EMX1: variants seen among roughly 807,000 people sequenced by gnomAD.
EMX1 encodes homeobox protein EMX1.
A neutral mutation model predicts 20.1 loss-of-function variants in EMX1; 10 were observed. That is an observed-to-expected ratio of 0.50 (90% CI 0.31 to 0.84). EMX1 has a LOEUF of 0.84. Ranked by LOEUF, EMX1 falls within the 40% of genes least tolerant of loss-of-function variation. EMX1 has a pLI of 0.05. For missense variants in EMX1, 424 were observed against 431.9 expected, an observed-to-expected ratio of 0.98 and a Z score of 0.16; for synonymous variants, 250 against 200.4, an observed-to-expected ratio of 1.25 and a Z score of -2.09.
intron 2 of EMX1, among the ~76,000 whole-genome samples, chr2:72,928,661 T>C (rs1331023767): frequency 1.3e-5 from 2 of 152,150 alleles, no homozygotes; most frequent in Non-Finnish European, 2.9e-5. Context: ...AGCTGAGCGG[T>C]GAAGGCAAAG....
intron 1 of EMX1, among the ~76,000 whole-genome samples, chr2:72,920,665 T>A (rs899015412): frequency 1.3e-5 from 2 of 152,250 alleles, no homozygotes; most frequent in Non-Finnish European, 2.9e-5. Context: ...GTCTGCGCTC[T>A]CTGCGCAGCG....
Position 72,918,337 on chromosome 2 carries a change from T to G in EMX1, c.485T>G (p.Val162Gly). 6.5e-7 allele frequency: 1 copy of G among 1,530,538 alleles called. No individual in the cohort carries two copies. The highest frequency in any genetic ancestry group is 8.7e-7 in the Non-Finnish European group (1 of 1,150,094). 94.8% of individuals were successfully genotyped at this position (1,530,538 alleles called of 1,614,324 possible). A position where few individuals can be genotyped will look rare whatever the true frequency, so the allele number is the denominator to read the frequency against. Reference protein sequence around the residue: ...HRDPLHFYPWVLRNRFFGHRF... With the variant: ...HRDPLHFYPWGLRNRFFGHRF... Reference sequence around the variant, plus strand: ...GACCCTCTCCATTTCTACCCCTGGGTCCTGCGGAACCGCTTCTTCGGCCAC... The same window carrying G: ...GACCCTCTCCATTTCTACCCCTGGGGCCTGCGGAACCGCTTCTTCGGCCAC... The change falls in exon 1 of 3, where the codon GTC (valine) becomes GGC (glycine). Residue 162 changes from valine to glycine, a missense_variant. This residue lies in a region of EMX1 where 333 missense variants were observed against 296.6 expected (regional missense o/e 1.12). Coordinates refer to ENST00000258106, the MANE Select transcript of EMX1 (RefSeq NM_004097.3).
rs1573901188 is a variant in EMX1 at position 72,932,597 on chromosome 2, A to C, written c.706-1190A>C. Among the ~76,000 whole-genome samples the C allele has an allele frequency of 2.0e-5, 3 of 152,296 alleles. No individual in the cohort carries two copies. The South Asian group carries it at 6.2e-4, about 32-fold the overall frequency. On this transcript the variant is annotated intron_variant, in intron 2 of 2. Transcript: ENST00000258106. ...CCAGGAGCCAGGATGAGCCTCCCAG[A>C]TTATGCATGAGAGGACATTAAGGGC...
At chr2:72,932,534 G>A (rs1671301642) in intron 2 of EMX1, among the ~76,000 whole-genome samples, 1 of 152,228 alleles carries the variant, frequency 6.6e-6, no homozygotes, top group Non-Finnish European at 1.5e-5. Context: ...GTTGACAGAT[G>A]AAGGCTTTCT....
chr2:72,922,821 G>A (rs1671126836), intron 1 of EMX1, among the ~76,000 whole-genome samples: 1 of 152,258 alleles, frequency 6.6e-6, no homozygotes, highest in South Asian at 2.1e-4. Flanking sequence ...GATGGGAGAT[G>A]TTAACTGAAT....
chr2:72,918,045 G>A lies in EMX1; in HGVS notation c.193G>A (p.Gly65Ser). 1 of 1,419,208 alleles carries A rather than the reference G, an allele frequency of 7.0e-7. No individual in the cohort carries two copies. The highest frequency in any genetic ancestry group is 1.5e-5 in the South Asian group (1 of 67,108). The allele number at this position is 1,419,208 out of a possible 1,614,324, so 87.9% of individuals were successfully genotyped here. ...CGGGGGCACTGGCGGCGGGGGCGCG[G>A]GCTCCCATCTCCTGGCGGCGGCCGC... is the stretch of plus-strand genomic sequence containing the variant. ...TGGGTGGGGA[G>S]SHLLAAAASE... The change falls in exon 1 of 3, where the codon GGC (glycine) becomes AGC (serine). Residue 65 changes from glycine to serine, a missense_variant. Transcript: ENST00000258106.
Position 72,924,410 on chromosome 2 carries a change from G to T in EMX1, c.622G>T (p.Glu208Ter). The T allele has an allele frequency of 6.3e-7, 1 of 1,595,330 alleles. No individual in the cohort carries two copies. Residue 208 changes from glutamate to a stop codon, truncating the protein, a stop_gained, in exon 2 of 3, where the codon GAG becomes TAG. Transcript: ENST00000258106. LOFTEE classifies it high-confidence loss of function. ...AFSPSQLLRL[E>*]RAFEKNHYVV... ...CTCGCCCTCGCAGCTGCTGCGGCTG[G>T]AGCGCGCCTTCGAGAAGAACCACTA... is the stretch of plus-strand genomic sequence containing the variant.
Position 72,924,406 on chromosome 2 carries a change from G to A in EMX1, c.618G>A (p.Arg206=). 1 of 1,593,832 alleles carries A rather than the reference G, an allele frequency of 6.3e-7. No homozygotes were observed. ...CCTTCTCGCCCTCGCAGCTGCTGCGGCTGGAGCGCGCCTTCGAGAAGAACC... is the reference window on the plus strand; with the variant it reads ...CCTTCTCGCCCTCGCAGCTGCTGCGACTGGAGCGCGCCTTCGAGAAGAACC... ...RTAFSPSQLL[R]LERAFEKNHY... is the part of the protein sequence containing the mutation. The change falls in exon 2 of 3, where the codon CGG becomes CGA. Residue 206 remains arginine (R), a synonymous_variant. Coordinates refer to ENST00000258106, the MANE Select transcript of EMX1 (RefSeq NM_004097.3).
chr2:72,928,522 T>C (rs1183416131), intron 2 of EMX1, among the ~76,000 whole-genome samples: 1 of 151,900 alleles, frequency 6.6e-6, no homozygotes, highest in Non-Finnish European at 1.5e-5. Flanking sequence ...CAGGGGTAAG[T>C]TAGTTTTAGG....
upstream of EMX1, chr2:72,916,961 G>A (rs1340741724): frequency 1.4e-6 from 1 of 716,796 alleles, no homozygotes; most frequent in Non-Finnish European, 2.6e-6. Context: ...TGTGAAGGGA[G>A]TGAGCGTCCC....
chr2:72,916,837 C>T (rs1165026167), upstream of EMX1: 1 of 717,212 alleles, frequency 1.4e-6, no homozygotes, highest in Admixed American at 2.0e-5. Flanking sequence ...TGGTCCAAGC[C>T]GGTCGCGGCA....
At chr2:72,931,899 C>G (rs1456695672) in intron 2 of EMX1, among the ~76,000 whole-genome samples, 1 of 152,188 alleles carries the variant, frequency 6.6e-6, no homozygotes, top group Admixed American at 6.5e-5. Context: ...GAAGTTCTGG[C>G]AAGAGGGGAC....
chr2:72,929,713 G>T (rs1455652038), intron 2 of EMX1, among the ~76,000 whole-genome samples: 2 of 152,226 alleles, frequency 1.3e-5, no homozygotes, highest in Non-Finnish European at 2.9e-5. Context: ...CAGAATAGCA[G>T]ATTATTCCAA....
chr2:72,924,023 C>G (rs1671147890), intron 1 of EMX1: 2 of 534,374 alleles, frequency 3.7e-6, no homozygotes, highest in Non-Finnish European at 6.5e-6. Flanking sequence ...CTCGTCCGGC[C>G]TGCCCCATCT....
upstream of EMX1, chr2:72,917,095 G>T: frequency 4.8e-6 from 3 of 623,504 alleles, no homozygotes; most frequent in South Asian, 1.9e-5. Flanking sequence ...GAGCAGGGGG[G>T]CAGAGAGCTG....
At position 72,917,844 on chromosome 2, in the gene EMX1, C is replaced by G; in HGVS notation, c.-9C>G. 7.1e-7 allele frequency: 1 copy of G among 1,399,660 alleles called. No homozygotes were observed. Among genetic ancestry groups the G allele is most frequent in the East Asian group, 3.1e-5 (1 of 32,244 alleles). The allele number at this position is 1,399,660 out of a possible 1,614,324, so 86.7% of individuals were successfully genotyped here. A position where few individuals can be genotyped will look rare whatever the true frequency, so the allele number is the denominator to read the frequency against. On this transcript the variant is annotated 5_prime_UTR_variant, in exon 1 of 3. Coordinates refer to ENST00000258106, the MANE Select transcript of EMX1 (RefSeq NM_004097.3). ...GGGCGGGGGAGGTGAGGGGTGCGGGCGGGTGTGCATGTGCCTGGCTGGGTG... is the reference window on the plus strand; with the variant it reads ...GGGCGGGGGAGGTGAGGGGTGCGGGGGGGTGTGCATGTGCCTGGCTGGGTG...
At chr2:72,932,061 T>G (rs987466646) in intron 2 of EMX1, among the ~76,000 whole-genome samples, 1 of 152,220 alleles carries the variant, frequency 6.6e-6, no homozygotes, top group Non-Finnish European at 1.5e-5. Context: ...AGGCCTGTGC[T>G]TTACCCAGTT....
chr2:72,918,425 G>C, intron 1 of EMX1, 53 bp downstream of exon 1: 2 of 1,355,136 alleles, frequency 1.5e-6, no homozygotes, highest in Non-Finnish European at 1.9e-6. Context: ...CCGTGCTGCG[G>C]CGATGCGGGG....
chr2:72,916,657 T>C (rs937946689), upstream of EMX1: 2 of 712,942 alleles, frequency 2.8e-6, no homozygotes, highest in Admixed American at 2.0e-5. Flanking sequence ...CTTCTGCGTG[T>C]CCTGACGGCT....
Sources: gnomAD v4.1 joint callset for allele counts (sites outside exome capture counted in the v4.1 genomes callset) on GRCh38, gnomAD v4.1.1 for gene constraint, gnomAD v4.1.1 regional missense constraint, MANE v1.5 for transcripts, NCBI Gene and HGNC (gene_info 2026-07-23, HGNC 2026-07-21) for gene names.